Variants in PCGF3 observed in about 807,000 individuals in gnomAD.
The protein encoded by PCGF3 is polycomb group RING finger protein 3.
A neutral mutation model predicts 33.1 loss-of-function variants in PCGF3; 7 were observed. That is an observed-to-expected ratio of 0.21 (90% CI 0.12 to 0.40). The LOEUF (loss-of-function observed/expected upper bound fraction) is 0.40. Among genes scored for constraint, PCGF3 ranks in the 10% least tolerant of loss-of-function variants. The pLI is 1.00. For missense variants in PCGF3, 211 were observed against 313.3 expected (o/e 0.67, Z 2.46); for synonymous variants, 153 against 121.3 (o/e 1.26, Z -1.72).
At chr4:717,273 G>T (rs1273955227) in intron 1 of PCGF3, among the ~76,000 whole-genome samples, 1 of 132,570 alleles carries the variant, frequency 7.5e-6, no homozygotes, top group Non-Finnish European at 1.6e-5. Context: ...GAGCGTCGGT[G>T]CTGGGACCCT....
intron 6 of PCGF3, 142 bp from the exon 7 acceptor site, chr4:743,332 G>T (rs1744175484): frequency 1.6e-6 from 1 of 611,588 alleles, no homozygotes; most frequent in African/African-American, 1.9e-5. Flanking sequence ...AAACATCTCA[G>T]TCTTAATTTG....
chr4:737,411 A>T, intron 5 of PCGF3, 55 bp from the exon 6 acceptor site: 3 of 1,163,050 alleles, frequency 2.6e-6, no homozygotes, highest in Non-Finnish European at 3.9e-6. Context: ...GAAAGTGTAC[A>T]AGAATTATAG....
At chr4:763,701 A>G (rs956622074) in intron 9 of PCGF3, among the ~76,000 whole-genome samples, 1 of 152,180 alleles carries the variant, frequency 6.6e-6, no homozygotes, top group Non-Finnish European at 1.5e-5. Flanking sequence ...CCCAGCAGCC[A>G]CACCTCGTCA....
At chr4:764,320 C>T (rs1745237941) in intron 9 of PCGF3, among the ~76,000 whole-genome samples, 1 of 152,164 alleles carries the variant, frequency 6.6e-6, no homozygotes, top group African/African-American at 2.4e-5. Flanking sequence ...ACTGGGGAGC[C>T]TAGTGCATTT....
chr4:713,712 G>A (rs1742682844), intron 1 of PCGF3, among the ~76,000 whole-genome samples: 1 of 152,158 alleles, frequency 6.6e-6, no homozygotes, highest in African/African-American at 2.4e-5. Context: ...GATCCTCATG[G>A]ATGCTGTGTG....
At chr4:765,615 T>C (rs1271656244) in intron 10 of PCGF3, among the ~76,000 whole-genome samples, 1 of 152,078 alleles carries the variant, frequency 6.6e-6, no homozygotes, top group African/African-American at 2.4e-5. Context: ...CCTGGGGCCT[T>C]TGGGCCCCTC....
At chr4:715,257 C>T (rs1406752469) in intron 1 of PCGF3, among the ~76,000 whole-genome samples, 1 of 135,092 alleles carries the variant, frequency 7.4e-6, no homozygotes, top group South Asian at 2.5e-4. Flanking sequence ...AACTGGGTGT[C>T]GGTGCTGGGA....
intron 1 of PCGF3, among the ~76,000 whole-genome samples, chr4:730,324 C>T (rs1273151461): frequency 3.9e-5 from 6 of 152,204 alleles, no homozygotes; most frequent in African/African-American, 9.6e-5. Context: ...CACAGACTCA[C>T]ATCCTGCCTT....
chr4:731,100 G>A (rs188524674), exon 3 of PCGF3: 6 of 398,604 alleles, frequency 1.5e-5, no homozygotes, highest in Admixed American at 8.8e-5. Context: ...ACACGCGGAC[G>A]TCTAGCGGAG....
intron 1 of PCGF3, among the ~76,000 whole-genome samples, chr4:712,711 G>A (rs1742628338): frequency 6.6e-6 from 1 of 152,240 alleles, no homozygotes; most frequent in African/African-American, 2.4e-5. Flanking sequence ...CTCCCAAAGT[G>A]CTGGGATTAC....
chr4:743,605 T>A, intron 7 of PCGF3, 21 bp downstream of exon 7: 1 of 1,418,096 alleles, frequency 7.1e-7, no homozygotes, highest in Non-Finnish European at 1.0e-6. Flanking sequence ...TGCGTGCCCA[T>A]CCAGAAGCCC....
At chr4:743,868 G>A (rs749140827) in intron 7 of PCGF3, 1 of 305,454 alleles carries the variant, frequency 3.3e-6, no homozygotes, top group Non-Finnish European at 6.1e-6. Context: ...AAAGAGTAGT[G>A]GAAGGTGAAC....
chr4:765,610 G>A (rs1373355841), intron 10 of PCGF3, among the ~76,000 whole-genome samples: 3 of 152,198 alleles, frequency 2.0e-5, no homozygotes, highest in African/African-American at 7.2e-5. Flanking sequence ...GGTCCCCTGG[G>A]GCCTTTGGGC....
intron 8 of PCGF3, among the ~76,000 whole-genome samples, chr4:751,209 C>T (rs911005348): frequency 6.6e-6 from 1 of 152,144 alleles, no homozygotes; most frequent in South Asian, 2.1e-4. Flanking sequence ...TCTATAACTT[C>T]GTGATGAGTT....
chr4:765,790 G>C (rs1360479333), intron 10 of PCGF3, among the ~76,000 whole-genome samples: 3 of 152,142 alleles, frequency 2.0e-5, no homozygotes, highest in African/African-American at 7.2e-5. Flanking sequence ...GGCCACCACG[G>C]TGTGCACAGT....
intron 1 of PCGF3, among the ~76,000 whole-genome samples, chr4:710,870 C>T (rs1292537612): frequency 6.6e-6 from 1 of 152,200 alleles, no homozygotes; most frequent in Non-Finnish European, 1.5e-5. Context: ...GATTTTGCTC[C>T]AGAAATTATC....
chr4:737,195 G>A (rs1743873274), intron 5 of PCGF3, among the ~76,000 whole-genome samples: 1 of 152,206 alleles, frequency 6.6e-6, no homozygotes, highest in African/African-American at 2.4e-5. Flanking sequence ...GGAATCTGGG[G>A]TGTCCGGCAG....
At chr4:734,038 C>T (rs978281859) in intron 4 of PCGF3, 7 of 1,550,716 alleles carry the variant, frequency 4.5e-6, no homozygotes, top group Non-Finnish European at 5.2e-6. Flanking sequence ...CCCCACATTC[C>T]TCCCACGGAG....
intron 9 of PCGF3, among the ~76,000 whole-genome samples, chr4:763,515 G>C (rs116407064): frequency 6.6e-6 from 1 of 152,220 alleles, no homozygotes; most frequent in Non-Finnish European, 1.5e-5. Flanking sequence ...GGAAACGCAA[G>C]GAAAACTGCG....
Sources: gnomAD v4.1 joint callset for allele counts (sites outside exome capture counted in the v4.1 genomes callset) on GRCh38, gnomAD v4.1.1 for gene constraint, MANE v1.5 for transcripts, NCBI Gene and HGNC (gene_info 2026-07-23, HGNC 2026-07-21) for gene names.